KIF16B: variants seen among roughly 807,000 people sequenced by gnomAD.
The protein encoded by KIF16B is kinesin-like protein KIF16B.
Under a neutral mutation model 156.3 loss-of-function variants are expected in KIF16B, and 98 were observed. That is an observed-to-expected ratio of 0.63 (90% CI 0.53 to 0.74). The LOEUF is 0.74. Ranked by LOEUF, KIF16B falls within the 30% of genes least tolerant of loss-of-function variation. KIF16B has a pLI of 0.00. For synonymous variants in KIF16B, 564 were observed against 583.7 expected, an observed-to-expected ratio of 0.97 and a Z score of 0.49; for missense variants, 1,421 against 1,606.5, an observed-to-expected ratio of 0.88 and a Z score of 1.97.
chr20:16,529,149 T>A (rs1419998587), intron 1 of KIF16B, among the ~76,000 whole-genome samples: 2 of 152,110 alleles, frequency 1.3e-5, no homozygotes, highest in African/African-American at 4.8e-5. Context: ...AACACTTTTT[T>A]AAAACCTATG....
chr20:16,347,033 G>A (rs1253826276), intron 23 of KIF16B, among the ~76,000 whole-genome samples: 2 of 152,082 alleles, frequency 1.3e-5, no homozygotes, highest in Non-Finnish European at 2.9e-5. Context: ...TGTGATTTTG[G>A]ATAAATTACT....
chr20:16,372,026 C>A (rs924137344), intron 20 of KIF16B, among the ~76,000 whole-genome samples: 1 of 152,186 alleles, frequency 6.6e-6, no homozygotes, highest in South Asian at 2.1e-4. Context: ...ATCCCATCCA[C>A]GTCCTTAGTG....
At chr20:16,544,724 C>G (rs559436452) in intron 1 of KIF16B, among the ~76,000 whole-genome samples, 1 of 151,850 alleles carries the variant, frequency 6.6e-6, no homozygotes, top group Admixed American at 6.6e-5. Flanking sequence ...CACATTTGAC[C>G]TGCTTACTGA....
rs116146231 is a variant in KIF16B at position 16,532,704 on chromosome 20, G to A, written c.48-4264C>T. On this transcript the variant is annotated intron_variant, in intron 1 of 25. Transcript: ENST00000354981. ...CAATCACTAACCTAATGCATCTAGA[G>A]CTTTCATCTTAAAACCACTATTATC... Among the ~76,000 whole-genome samples the A allele has an allele frequency of 4.3e-3, 655 of 152,270 alleles. 5 individuals carry two copies. The highest frequency in any genetic ancestry group is 0.015 in the African/African-American group (603 of 41,550).
intron 11 of KIF16B, 131 bp downstream of exon 11, chr20:16,497,482 C>A: frequency 2.9e-6 from 2 of 688,284 alleles, no homozygotes; most frequent in Non-Finnish European, 2.6e-6. Flanking sequence ...CAAAAATGAT[C>A]ACCAACGAGG....
intron 4 of KIF16B, among the ~76,000 whole-genome samples, 193 bp downstream of exon 4, chr20:16,515,355 T>C (rs2069110168): frequency 6.6e-6 from 1 of 152,230 alleles, no homozygotes; most frequent in African/African-American, 2.4e-5. Context: ...CATGCTTATA[T>C]ACTTAAAACT....
chr20:16,469,280 A>AAAAAAAAAAAAAAAAAAG (rs2067588908), intron 12 of KIF16B, among the ~76,000 whole-genome samples: 1 of 147,638 alleles, frequency 6.8e-6, no homozygotes, highest in Non-Finnish European at 1.5e-5. Context: ...AAAAAAAAAA[A>AAAAAAAAAAAAAAAAAAG]TGGTCTCCTT....
chr20:16,465,398 T>C (rs1026647330), intron 12 of KIF16B, among the ~76,000 whole-genome samples: 4 of 152,254 alleles, frequency 2.6e-5, no homozygotes, highest in African/African-American at 9.6e-5. Flanking sequence ...CAGTCCATCA[T>C]GCAGCCTCTG....
intron 10 of KIF16B, among the ~76,000 whole-genome samples, chr20:16,500,277 A>G (rs2068580200): frequency 6.6e-6 from 1 of 152,174 alleles, no homozygotes; most frequent in African/African-American, 2.4e-5. Flanking sequence ...TACAGAAAGC[A>G]TTTGAAACTC....
chr20:16,381,829 A>C, intron 17 of KIF16B, 82 bp from the exon 18 acceptor site: 1 of 1,133,806 alleles, frequency 8.8e-7, no homozygotes, highest in Admixed American at 2.5e-5. Flanking sequence ...AGAGTCACAT[A>C]TTAAAAAGGG....
At chr20:16,559,531 G>T (rs2070980379) in intron 1 of KIF16B, among the ~76,000 whole-genome samples, 1 of 152,146 alleles carries the variant, frequency 6.6e-6, no homozygotes, top group South Asian at 2.1e-4. Flanking sequence ...ATGCTGGGAA[G>T]GCCAACACAG....
chr20:16,329,301 A>C (rs1321615404), intron 24 of KIF16B, among the ~76,000 whole-genome samples: 1 of 152,176 alleles, frequency 6.6e-6, no homozygotes, highest in Non-Finnish European at 1.5e-5. Context: ...TATAATAGGT[A>C]AGCTTCATGA....
At position 16,511,536 on chromosome 20, in the gene KIF16B, T is replaced by C; in HGVS notation, c.447-9A>G. 1 of 1,550,070 alleles carries C rather than the reference T, an allele frequency of 6.5e-7. No homozygotes were observed. On this transcript the variant is annotated splice_polypyrimidine_tract_variant and intron_variant, in intron 5 of 25. Transcript: ENST00000354981. ...TATAAATTTCTAAGTAGCTAAAAAT[T>C]TAAAATAAAATTGAATTCAGAAAAA...
intron 25 of KIF16B, among the ~76,000 whole-genome samples, chr20:16,289,982 T>A (rs192353677): frequency 3.9e-5 from 6 of 152,326 alleles, no homozygotes; most frequent in Non-Finnish European, 8.8e-5. Flanking sequence ...CATATCTTGT[T>A]TTAAGATACA....
intron 1 of KIF16B, among the ~76,000 whole-genome samples, chr20:16,528,791 C>G (rs1233636909): frequency 6.6e-6 from 1 of 151,924 alleles, no homozygotes; most frequent in Admixed American, 6.6e-5. Context: ...GAGAAAGAGA[C>G]CTTAGCCCCC....
At chr20:16,545,109 G>A (rs922085058) in intron 1 of KIF16B, among the ~76,000 whole-genome samples, 20 of 152,290 alleles carry the variant, frequency 1.3e-4, no homozygotes, top group African/African-American at 4.6e-4. Flanking sequence ...GGAGCAAAGC[G>A]TTGGGGGCCT....
chr20:16,328,420 T>A (rs2063893132), intron 24 of KIF16B, among the ~76,000 whole-genome samples: 1 of 152,218 alleles, frequency 6.6e-6, no homozygotes, highest in Non-Finnish European at 1.5e-5. Context: ...TATACTCTCA[T>A]GATGCACAGG....
chr20:16,563,819 T>G (rs1420910433), intron 1 of KIF16B, among the ~76,000 whole-genome samples: 1 of 152,232 alleles, frequency 6.6e-6, no homozygotes, highest in Non-Finnish European at 1.5e-5. Flanking sequence ...AAGTGTATTT[T>G]GCACACAAAG....
intron 17 of KIF16B, among the ~76,000 whole-genome samples, chr20:16,399,750 A>C (rs1229888231): frequency 6.6e-6 from 1 of 152,240 alleles, no homozygotes; most frequent in Middle Eastern, 3.4e-3. Context: ...TCTTCCTCCC[A>C]TATTTCTGTT....
Sources: allele counts gnomAD v4.1 joint callset (sites outside exome capture counted in the v4.1 genomes callset), GRCh38; gene constraint gnomAD v4.1.1; transcripts MANE v1.5; gene names NCBI Gene and HGNC (gene_info 2026-07-23, HGNC 2026-07-21).